TRDN: variants seen among roughly 807,000 people sequenced by gnomAD.
TRDN encodes triadin.
A neutral mutation model predicts 149.7 loss-of-function variants in TRDN; 161 were observed. That is an observed-to-expected ratio of 1.08 (90% confidence interval 0.95 to 1.23). The LOEUF (loss-of-function observed/expected upper bound fraction) is 1.23. TRDN is among the 50% of genes most tolerant of loss of function. TRDN has a pLI of 0.00. For missense variants in TRDN, 896 were observed against 823.5 expected (o/e 1.09, Z -1.08); for synonymous variants, 294 against 250.5 (o/e 1.17, Z -1.64).
chr6:123,384,542 C>T (rs759792107), intron 14 of TRDN, among the ~76,000 whole-genome samples: 21 of 152,018 alleles, frequency 1.4e-4, no homozygotes, highest in Admixed American at 9.2e-4. Flanking sequence ...ATTCTCTGAC[C>T]AGATACTGGA....
intron 10 of TRDN, among the ~76,000 whole-genome samples, chr6:123,444,583 A>G (rs1279129442): frequency 2.7e-4 from 41 of 150,182 alleles, no homozygotes; most frequent in African/African-American, 1.0e-3. Context: ...GAGAGAGGGC[A>G]TCCCTGTCTT....
At chr6:123,266,764 A>C (rs1239635997) in intron 32 of TRDN, among the ~76,000 whole-genome samples, 2 of 128,374 alleles carry the variant, frequency 1.6e-5, no homozygotes, top group Non-Finnish European at 3.1e-5. Context: ...TATTATATAT[A>C]ATATATATGA....
intron 9 of TRDN, among the ~76,000 whole-genome samples, chr6:123,476,890 A>G (rs1055214405): frequency 9.9e-5 from 15 of 151,956 alleles, no homozygotes; most frequent in Middle Eastern, 3.4e-3. Flanking sequence ...CCTTCCTTAC[A>G]ACTTATACAA....
Position 123,352,530 on chromosome 6 carries a change from T to A in TRDN, c.1369+9A>T. Reference sequence around the variant, plus strand: ...GAAGATAATGTCAACCTCCTTCATTTTTTTTTACCTTGCTCCACTGTCTTG... The same window carrying A: ...GAAGATAATGTCAACCTCCTTCATTATTTTTTACCTTGCTCCACTGTCTTG... On this transcript the variant is annotated intron_variant, in intron 21 of 40. Coordinates refer to ENST00000334268, the MANE Select transcript of TRDN (RefSeq NM_006073.4). 1 of 1,610,410 alleles carries A rather than the reference T, an allele frequency of 6.2e-7. No homozygotes were observed. The highest frequency in any genetic ancestry group is 8.5e-7 in the Non-Finnish European group (1 of 1,178,250).
chr6:123,528,388 GA>G lies in TRDN; in HGVS notation c.484+2117del, dbSNP rs1221589502. ...GAATATCATATTGTCCCTTGAAGGG[GA>G]AAAAAACTATAGAGAAATAGAATGT... On this transcript the variant is annotated intron_variant, in intron 5 of 40. Transcript: ENST00000334268. Among the ~76,000 whole-genome samples, 3 of 151,386 alleles carry G rather than the reference GA, an allele frequency of 2.0e-5. No individual in the cohort carries two copies. The East Asian group carries it at 5.8e-4, about 29-fold the overall frequency.
chr6:123,518,189 C>T (rs1045999540), intron 5 of TRDN, among the ~76,000 whole-genome samples: 2 of 152,158 alleles, frequency 1.3e-5, no homozygotes, highest in African/African-American at 2.4e-5. Flanking sequence ...GAGAAAAAAA[C>T]TCACCTTAAA....
At chr6:123,349,600 TTC>T (rs1780380450) in intron 21 of TRDN, 2 of 896,676 alleles carry the variant, frequency 2.2e-6, no homozygotes, top group African/African-American at 3.6e-5. Flanking sequence ...TAACTAAATC[TTC>T]TGTTTTACTT....
At chr6:123,558,651 C>T (rs958186790) in intron 2 of TRDN, among the ~76,000 whole-genome samples, 1 of 152,138 alleles carries the variant, frequency 6.6e-6, no homozygotes, top group Non-Finnish European at 1.5e-5. Context: ...ATTTTATTAC[C>T]CAATCTGCTC....
At chr6:123,255,169 T>A (rs1250663779) in intron 36 of TRDN, 44 bp from the exon 37 acceptor site, 1 of 921,818 alleles carries the variant, frequency 1.1e-6, no homozygotes, top group Non-Finnish European at 1.6e-6. Flanking sequence ...ATTTTTAAAG[T>A]AAATTTCCAT....
intron 1 of TRDN, among the ~76,000 whole-genome samples, chr6:123,583,681 G>C (rs1422654801): frequency 6.6e-6 from 1 of 151,992 alleles, no homozygotes; most frequent in Admixed American, 6.5e-5. Context: ...TGACAGAAGG[G>C]AAAAAATGAC....
At chr6:123,625,132 A>G (rs73540835) in intron 1 of TRDN, among the ~76,000 whole-genome samples, 16,405 of 151,522 alleles carry the variant, frequency 0.11, 1,648 homozygotes, top group African/African-American at 0.28. Context: ...TCCTTGAAAA[A>G]TCATTACACC....
intron 32 of TRDN, among the ~76,000 whole-genome samples, chr6:123,265,959 A>T (rs1313527540): frequency 6.8e-6 from 1 of 146,146 alleles, no homozygotes; most frequent in Non-Finnish European, 1.5e-5. Flanking sequence ...CTATTTCTTC[A>T]TAAAAAGTAG....
intron 4 of TRDN, among the ~76,000 whole-genome samples, chr6:123,533,958 A>C (rs1002407578): frequency 3.9e-5 from 6 of 152,164 alleles, no homozygotes; most frequent in Admixed American, 3.3e-4. Flanking sequence ...GAGTAGATGC[A>C]ACCCAGTTCT....
In TRDN at chr6:123,322,712, C is replaced by T. The variant is rs555608658; in HGVS notation, c.1472-6217G>A. Reference sequence around the variant, plus strand: ...CTGGAGTGCAGTGGCGCAATCTCGGCTCACTGCAACCTCCACCTCCTGGAT... The same window carrying T: ...CTGGAGTGCAGTGGCGCAATCTCGGTTCACTGCAACCTCCACCTCCTGGAT... On this transcript the variant is annotated intron_variant, in intron 23 of 40. Transcript: ENST00000334268. Among the ~76,000 whole-genome samples the T allele has an allele frequency of 4.6e-5, 7 of 151,608 alleles. No individual in the cohort carries two copies. In the East Asian group the frequency reaches 1.4e-3, roughly 30 times the overall value.
At chr6:123,439,941 T>C (rs1774780886) in intron 10 of TRDN, among the ~76,000 whole-genome samples, 1 of 152,218 alleles carries the variant, frequency 6.6e-6, no homozygotes, top group Admixed American at 6.5e-5. Flanking sequence ...ATATTTGAAA[T>C]TCCTTTCTCT....
chr6:123,258,693 G>A (rs1350305282), intron 35 of TRDN, among the ~76,000 whole-genome samples: 1 of 152,048 alleles, frequency 6.6e-6, no homozygotes, highest in Non-Finnish European at 1.5e-5. Context: ...ATTGTTTGGA[G>A]TCATTTTAGA....
At chr6:123,601,170 C>A in intron 1 of TRDN, among the ~76,000 whole-genome samples, 1 of 151,990 alleles carries the variant, frequency 6.6e-6, no homozygotes, top group East Asian at 1.9e-4. Flanking sequence ...TATGCATATC[C>A]ATTTTTAATA....
chr6:123,620,088 C>T (rs1785303790), intron 1 of TRDN, among the ~76,000 whole-genome samples: 2 of 152,092 alleles, frequency 1.3e-5, no homozygotes, highest in South Asian at 4.2e-4. Flanking sequence ...GAAAAGAATC[C>T]TCTGTTATTG....
In TRDN at chr6:123,289,307, G is replaced by A. The variant is rs568937592; in HGVS notation, c.1511-10225C>T. Among the ~76,000 whole-genome samples the A allele has an allele frequency of 4.6e-5, 7 of 151,966 alleles. No homozygotes were observed. The South Asian group carries it at 1.5e-3, about 32-fold the overall frequency. ...CATAGAAACAGAGAATAGGAAGGTG[G>A]TTACCAGAGGGTAGAGAATAGAGGG... On this transcript the variant is annotated intron_variant, in intron 24 of 40. Transcript: ENST00000334268.
Sources: allele counts gnomAD v4.1 joint callset (sites outside exome capture counted in the v4.1 genomes callset), GRCh38; gene constraint gnomAD v4.1.1; transcripts MANE v1.5; gene names NCBI Gene and HGNC (gene_info 2026-07-23, HGNC 2026-07-21).